OR6X1: variants seen among roughly 807,000 people sequenced by gnomAD.
The protein encoded by OR6X1 is olfactory receptor 6X1.
For synonymous variants in OR6X1, 160 were observed against 149.8 expected (o/e 1.07, Z -0.50); for missense variants, 354 against 372.2 (o/e 0.95, Z 0.40).
At position 123,754,200 on chromosome 11, in the gene OR6X1, T is replaced by C. The variant is rs1862025220; in HGVS notation, c.319A>G (p.Thr107Ala). ...ATAGTGAGGATCAAGAACTCGGTGGTGCCCACGAAGAAGTGGAAGAAGGCC... is the reference window on the plus strand; with the variant it reads ...ATAGTGAGGATCAAGAACTCGGTGGCGCCCACGAAGAAGTGGAAGAAGGCC... ...LQAFFHFFVG[T>A]TEFLILTIMS... The change falls in exon 1 of 1, where the codon ACC becomes GCC. Residue 107 changes from threonine to alanine, a missense_variant. Thr to Ala is a moderately conservative substitution (Grantham distance 58). Coordinates refer to ENST00000327930, the MANE Select transcript of OR6X1 (RefSeq NM_001005188.1). 1 of 1,613,894 alleles carries C rather than the reference T, an allele frequency of 6.2e-7. No individual in the cohort carries two copies. The highest frequency in any genetic ancestry group is 1.7e-5 in the Admixed American group (1 of 59,980).
chr11:123,754,349 A>T lies in OR6X1; in HGVS notation c.170T>A (p.Met57Lys). The change falls in exon 1 of 1, where the codon ATG becomes AAG. Residue 57 changes from methionine to lysine, a missense_variant. Physicochemically the swap from Met to Lys is moderately conservative, Grantham distance 95 (BLOSUM62 -1). Transcript: ENST00000327930. ...AGACAAGTTACAAAGGAAGAAGTAC[A>T]TTGGAATTTGTAGCCTGGGCTCAGC... ...VWAEPRLQIP[M>K]YFFLCNLSFL... The T allele has an allele frequency of 1.2e-6, 2 of 1,614,232 alleles. No homozygotes were observed. The highest frequency in any genetic ancestry group is 2.2e-5 in the South Asian group (2 of 91,086).
chr11:123,754,068 A>C lies in OR6X1; in HGVS notation c.451T>G (p.Phe151Val), dbSNP rs1268667391. The C allele has an allele frequency of 2.5e-6, 4 of 1,614,124 alleles. No individual in the cohort carries two copies. In the South Asian group the frequency reaches 4.4e-5, roughly 18 times the overall value. ...ATCGTCTGACAAAAGACAATGGTGA[A>C]GCCCACCACCCAGGAGCTCAGGGCC... ...QLALSSWVVG[F>V]TIVFCQTMLL... Residue 151 changes from phenylalanine (F) to valine (V), a missense_variant, in exon 1 of 1, where the codon TTC (phenylalanine) becomes GTC (valine). Coordinates refer to ENST00000327930, the MANE Select transcript of OR6X1 (RefSeq NM_001005188.1).
In OR6X1 at chr11:123,754,457, A is replaced by G. The variant is rs1171400660; in HGVS notation, c.62T>C (p.Leu21Pro). The G allele has an allele frequency of 2.5e-6, 4 of 1,614,066 alleles. No individual in the cohort carries two copies. Among genetic ancestry groups the G allele is most frequent in the Middle Eastern group, 1.7e-4 (1 of 6,060 alleles). The change falls in exon 1 of 1, where the codon CTA (leucine) becomes CCA (proline). Residue 21 changes from leucine (L) to proline (P), a missense_variant. Leu to Pro is a moderately conservative substitution (Grantham distance 98). Coordinates refer to ENST00000327930, the MANE Select transcript of OR6X1 (RefSeq NM_001005188.1). Reference sequence around the variant, plus strand: ...GATTGCAATAAAGAGAGGTGTTTGTAGGCCTTGGATAACAGGAAAGCCTAG... The same window carrying G: ...GATTGCAATAAAGAGAGGTGTTTGTGGGCCTTGGATAACAGGAAAGCCTAG... ...ILLGFPVIQG[L>P]QTPLFIAIFL...
At position 123,754,191 on chromosome 11, in the gene OR6X1, AC is replaced by A; in HGVS notation, c.327del (p.Glu109AspfsTer3). ...AFFHFFVGTTEFLILTIMSFD... is the reference protein window; with the variant it reads ...AFFHFFVGTTXFLILTIMSFD... Reference sequence around the variant, plus strand: ...AAAGACATGATAGTGAGGATCAAGAACTCGGTGGTGCCCACGAAGAAGTGGA... The same window carrying A: ...AAAGACATGATAGTGAGGATCAAGAATCGGTGGTGCCCACGAAGAAGTGGA... On this transcript the variant is annotated frameshift_variant, in exon 1 of 1. Transcript: ENST00000327930. LOFTEE classifies it low-confidence loss of function (END_TRUNC). 6.2e-7 allele frequency: 1 copy of A among 1,614,026 alleles called. No individual in the cohort carries two copies. Among genetic ancestry groups the A allele is most frequent in the Non-Finnish European group, 8.5e-7 (1 of 1,179,980 alleles).
At position 123,754,201 on chromosome 11, in the gene OR6X1, G is replaced by A. The variant is rs1181544984; in HGVS notation, c.318C>T (p.Gly106=). 6.2e-7 allele frequency: 1 copy of A among 1,614,024 alleles called. No homozygotes were observed. The highest frequency in any genetic ancestry group is 8.5e-7 in the Non-Finnish European group (1 of 1,179,996). The change falls in exon 1 of 1, where the codon GGC becomes GGT. Residue 106 remains glycine (G), a synonymous_variant. Coordinates refer to ENST00000327930, the MANE Select transcript of OR6X1 (RefSeq NM_001005188.1). ...TAGTGAGGATCAAGAACTCGGTGGT[G>A]CCCACGAAGAAGTGGAAGAAGGCCT... ...LLQAFFHFFV[G]TTEFLILTIM... is the part of the protein sequence containing the mutation.
Position 123,753,798 on chromosome 11 carries a change from A to C in OR6X1, c.721T>G (p.Ser241Ala). Residue 241 changes from serine (S) to alanine (A), a missense_variant, in exon 1 of 1, where the codon TCG (serine) becomes GCG (alanine). Transcript: ENST00000327930. ...GHQKTFSTCA[S>A]HLTVVSLLYG... ...AGCAGGGAGACAACTGTCAGGTGCG[A>C]GGCACAGGTAGAGAAAGTCTTTTGG... is the stretch of plus-strand genomic sequence containing the variant. The C allele has an allele frequency of 1.2e-6, 2 of 1,614,160 alleles. No individual in the cohort carries two copies. The highest frequency in any genetic ancestry group is 1.7e-6 in the Non-Finnish European group (2 of 1,180,028).
Position 123,753,779 on chromosome 11 carries a change from G to C in OR6X1, c.740C>G (p.Ser247Cys). The part of the protein sequence containing the change: ...STCASHLTVV[S>C]LLYGAVLFMY... ...GAACAGAACAGCCCCGTAGAGCAGG[G>C]AGACAACTGTCAGGTGCGAGGCACA... Residue 247 changes from serine to cysteine, a missense_variant, in exon 1 of 1, where the codon TCC becomes TGC. By Grantham distance (112) the Ser-to-Cys change is moderately radical. Transcript: ENST00000327930. 1 of 1,614,148 alleles carries C rather than the reference G, an allele frequency of 6.2e-7. No individual in the cohort carries two copies. The highest frequency in any genetic ancestry group is 8.5e-7 in the Non-Finnish European group (1 of 1,180,012).
In OR6X1 at chr11:123,753,898, C is replaced by A. The variant is rs779307169; in HGVS notation, c.621G>T (p.Gly207=). 2 of 1,614,096 alleles carry A rather than the reference C, an allele frequency of 1.2e-6. No individual in the cohort carries two copies. The highest frequency in any genetic ancestry group is 1.7e-6 in the Non-Finnish European group (2 of 1,180,014). ...GVIATILVIP[G]SLLFNMISYI... ...AAGAAATCATATTAAAGAGAAGTGACCCTGGGATCACAAGGATGGTTGCTA... is the reference window on the plus strand; with the variant it reads ...AAGAAATCATATTAAAGAGAAGTGAACCTGGGATCACAAGGATGGTTGCTA... Residue 207 remains glycine, a synonymous_variant, in exon 1 of 1, where the codon GGG becomes GGT. Transcript: ENST00000327930.
chr11:123,754,469 A>G lies in OR6X1; in HGVS notation c.50T>C (p.Val17Ala), dbSNP rs1862027679. Residue 17 changes from valine (V) to alanine (A), a missense_variant, in exon 1 of 1, where the codon GTT becomes GCT. Physicochemically the swap from Val to Ala is moderately conservative, Grantham distance 64. Coordinates refer to ENST00000327930, the MANE Select transcript of OR6X1 (RefSeq NM_001005188.1). ...GAGAGGTGTTTGTAGGCCTTGGATA[A>G]CAGGAAAGCCTAGCAGGATGAATTC... ...ITEFILLGFP[V>A]IQGLQTPLFI... is the part of the protein sequence containing the mutation. The G allele has an allele frequency of 6.2e-7, 1 of 1,613,390 alleles. No individual in the cohort carries two copies. The highest frequency in any genetic ancestry group is 1.3e-5 in the African/African-American group (1 of 74,910).
At position 123,754,463 on chromosome 11, in the gene OR6X1, TG is replaced by T. The variant is rs765458738; in HGVS notation, c.55del (p.Gln19LysfsTer17). ...EFILLGFPVI[Q>X]GLQTPLFIAI... The stretch of plus-strand genomic sequence containing the variant: ...AATAAAGAGAGGTGTTTGTAGGCCT[TG>T]GATAACAGGAAAGCCTAGCAGGATG... On this transcript the variant is annotated frameshift_variant, in exon 1 of 1. Coordinates refer to ENST00000327930, the MANE Select transcript of OR6X1 (RefSeq NM_001005188.1). LOFTEE classifies it low-confidence loss of function (END_TRUNC). 1 of 1,613,756 alleles carries T rather than the reference TG, an allele frequency of 6.2e-7. No homozygotes were observed. The highest frequency in any genetic ancestry group is 8.5e-7 in the Non-Finnish European group (1 of 1,179,780).
At position 123,753,747 on chromosome 11, in the gene OR6X1, G is replaced by A. The variant is rs1217254011; in HGVS notation, c.772C>T (p.Leu258=). 6.2e-7 allele frequency: 1 copy of A among 1,614,132 alleles called. No homozygotes were observed. The highest frequency in any genetic ancestry group is 8.5e-7 in the Non-Finnish European group (1 of 1,180,026). ...AAGGAGGAGTGTGCTGTGGGTCTTAGGTACATGAACAGAACAGCCCCGTAG... is the reference window on the plus strand; with the variant it reads ...AAGGAGGAGTGTGCTGTGGGTCTTAAGTACATGAACAGAACAGCCCCGTAG... ...LLYGAVLFMY[L]RPTAHSSFKI... is the part of the protein sequence containing the mutation. Residue 258 remains leucine, a synonymous_variant, in exon 1 of 1, where the codon CTA becomes TTA. Transcript: ENST00000327930.
In OR6X1 at chr11:123,754,093, CA is replaced by C; in HGVS notation, c.425del (p.Leu142ArgfsTer3). On this transcript the variant is annotated frameshift_variant, in exon 1 of 1. Transcript: ENST00000327930. LOFTEE classifies it low-confidence loss of function (END_TRUNC). Reference protein sequence around the residue: ...TIMTSKLCLQLALSSWVVGFT... With the variant: ...TIMTSKLCLQXALSSWVVGFT... ...AGCCCACCACCCAGGAGCTCAGGGC[CA>C]GCTGCAGGCAGAGTTTGCTGGTCAT... The C allele has an allele frequency of 6.2e-7, 1 of 1,614,070 alleles. No individual in the cohort carries two copies.
Position 123,754,449 on chromosome 11 carries a change from G to C in OR6X1, c.70C>G (p.Pro24Ala). 2 of 1,614,116 alleles carry C rather than the reference G, an allele frequency of 1.2e-6. No individual in the cohort carries two copies. The highest frequency in any genetic ancestry group is 8.5e-7 in the Non-Finnish European group (1 of 1,179,984). ...GFPVIQGLQT[P>A]LFIAIFLTYI... ...GTGAGAAAGATTGCAATAAAGAGAG[G>C]TGTTTGTAGGCCTTGGATAACAGGA... The change falls in exon 1 of 1, where the codon CCT (proline) becomes GCT (alanine). Residue 24 changes from proline to alanine, a missense_variant. Transcript: ENST00000327930.
chr11:123,753,596 G>A lies in OR6X1; in HGVS notation c.923C>T (p.Thr308Ile). Residue 308 changes from threonine (T) to isoleucine (I), a missense_variant, in exon 1 of 1, where the codon ACT becomes ATT. Thr to Ile is a moderately conservative substitution (Grantham distance 89). Transcript: ENST00000327930. ...ALRKAMTCPK[T>I]GHAK ...TTGCATGTTTTACTTTGCATGACCA[G>A]TCTTTGGGCAAGTCATTGCCTTTCT... is the stretch of plus-strand genomic sequence containing the variant. The A allele has an allele frequency of 2.5e-6, 4 of 1,578,812 alleles. No individual in the cohort carries two copies. Among genetic ancestry groups the A allele is most frequent in the Non-Finnish European group, 3.4e-6 (4 of 1,163,238 alleles).
In OR6X1 at chr11:123,754,473, G is replaced by A. The variant is rs1862027738; in HGVS notation, c.46C>T (p.Pro16Ser). The part of the protein sequence containing the change: ...VITEFILLGF[P>S]VIQGLQTPLF... Reference sequence around the variant, plus strand: ...GGTGTTTGTAGGCCTTGGATAACAGGAAAGCCTAGCAGGATGAATTCTGTG... The same window carrying A: ...GGTGTTTGTAGGCCTTGGATAACAGAAAAGCCTAGCAGGATGAATTCTGTG... Residue 16 changes from proline to serine, a missense_variant, in exon 1 of 1, where the codon CCT becomes TCT. By Grantham distance (74) the Pro-to-Ser change is moderately conservative. Coordinates refer to ENST00000327930, the MANE Select transcript of OR6X1 (RefSeq NM_001005188.1). 1.2e-6 allele frequency: 2 copies of A among 1,613,272 alleles called. No homozygotes were observed. The highest frequency in any genetic ancestry group is 1.7e-6 in the Non-Finnish European group (2 of 1,179,506).
Position 123,753,927 on chromosome 11 carries a change from C to G in OR6X1, c.592G>C (p.Val198Leu). The change falls in exon 1 of 1, where the codon GTC (valine) becomes CTC (leucine). Residue 198 changes from valine (V) to leucine (L), a missense_variant. Coordinates refer to ENST00000327930, the MANE Select transcript of OR6X1 (RefSeq NM_001005188.1). ...GGGATCACAAGGATGGTTGCTATGA[C>G]GCCCAGGAGTTCCAAAATGCTGGTG... The part of the protein sequence containing the change: ...IDTSILELLG[V>L]IATILVIPGS... 1 of 1,614,142 alleles carries G rather than the reference C, an allele frequency of 6.2e-7. No individual in the cohort carries two copies. Among genetic ancestry groups the G allele is most frequent in the Non-Finnish European group, 8.5e-7 (1 of 1,180,000 alleles).
Position 123,753,962 on chromosome 11 carries a change from G to A in OR6X1, c.557C>T (p.Ala186Val). The change falls in exon 1 of 1, where the codon GCC (alanine) becomes GTC (valine). Residue 186 changes from alanine to valine, a missense_variant. Coordinates refer to ENST00000327930, the MANE Select transcript of OR6X1 (RefSeq NM_001005188.1). ...TTCCAAAATGCTGGTGTCTATGCAG[G>A]CGGCTTTCAAACTGGGCCCAACATC... ...YCDVGPSLKAACIDTSILELL... is the reference protein window; with the variant it reads ...YCDVGPSLKAVCIDTSILELL... 6.2e-7 allele frequency: 1 copy of A among 1,614,186 alleles called. No individual in the cohort carries two copies. The highest frequency in any genetic ancestry group is 8.5e-7 in the Non-Finnish European group (1 of 1,180,044).
chr11:123,753,993 A>G lies in OR6X1; in HGVS notation c.526T>C (p.Tyr176His), dbSNP rs1456308576. The G allele has an allele frequency of 6.2e-7, 1 of 1,614,244 alleles. No individual in the cohort carries two copies. The highest frequency in any genetic ancestry group is 1.1e-5 in the South Asian group (1 of 91,086). ...FCGNNVISHF[Y>H]CDVGPSLKAA... ...TTCAAACTGGGCCCAACATCACAGT[A>G]GAAATGACTGATAACATTATTGCCA... Residue 176 changes from tyrosine (Y) to histidine (H), a missense_variant, in exon 1 of 1, where the codon TAC becomes CAC. By Grantham distance (83) the Tyr-to-His change is moderately conservative. Transcript: ENST00000327930.
chr11:123,753,626 G>C lies in OR6X1; in HGVS notation c.893C>G (p.Ala298Gly). ...TGGGCAAGTCATTGCCTTTCTTAAG[G>C]CTCCCTTCACCTCCTTGTTTCTAAT... ...YTIRNKEVKG[A>G]LRKAMTCPKT... The change falls in exon 1 of 1, where the codon GCC becomes GGC. Residue 298 changes from alanine to glycine, a missense_variant. Physicochemically the swap from Ala to Gly is moderately conservative, Grantham distance 60. Transcript: ENST00000327930. 1.9e-6 allele frequency: 3 copies of C among 1,601,572 alleles called. No homozygotes were observed. Among genetic ancestry groups the C allele is most frequent in the Non-Finnish European group, 2.6e-6 (3 of 1,174,730 alleles).
Sources: allele counts gnomAD v4.1 joint callset, GRCh38; gene constraint gnomAD v4.1.1; transcripts MANE v1.5; gene names NCBI Gene and HGNC (gene_info 2026-07-23, HGNC 2026-07-21).